CCSER1: variants seen among roughly 807,000 people sequenced by gnomAD.
CCSER1 encodes the protein coiled-coil serine rich protein 1.
CCSER1 carries 41 observed loss-of-function variants against 82.0 expected under a neutral mutation model. That is an observed-to-expected ratio of 0.50 (90% CI 0.39 to 0.65). The LOEUF (loss-of-function observed/expected upper bound fraction) is 0.65. CCSER1 is among the 30% of genes least tolerant of loss of function. The pLI is 0.00. For synonymous variants in CCSER1, 414 were observed against 383.9 expected, an observed-to-expected ratio of 1.08 and a Z score of -0.92; for missense variants, 1,119 against 1,064.2, an observed-to-expected ratio of 1.05 and a Z score of -0.72.
intron 9 of CCSER1, among the ~76,000 whole-genome samples, chr4:90,980,747 G>T (rs28415988): frequency 0.19 from 29,404 of 151,554 alleles, 3,035 homozygotes; most frequent in African/African-American, 0.25. Flanking sequence ...AGACGTACTC[G>T]AAGGAAGGAA....
chr4:90,157,401 C>G (rs566655956), intron 1 of CCSER1, among the ~76,000 whole-genome samples: 2 of 152,146 alleles, frequency 1.3e-5, no homozygotes, highest in African/African-American at 2.4e-5. Context: ...TCTGTATTTT[C>G]TGATTCTGAA....
chr4:90,309,687 A>T, intron 2 of CCSER1, 79 bp downstream of exon 2: 7 of 1,086,492 alleles, frequency 6.4e-6, no homozygotes, highest in Non-Finnish European at 8.9e-6. Flanking sequence ...ATTCCATCTC[A>T]TGAATGGAAA....
chr4:91,174,168 A>G (rs1733059433), intron 10 of CCSER1, among the ~76,000 whole-genome samples: 1 of 152,210 alleles, frequency 6.6e-6, no homozygotes, highest in Non-Finnish European at 1.5e-5. Context: ...AAAACTGTTT[A>G]AAGAGTTAAA....
intron 5 of CCSER1, among the ~76,000 whole-genome samples, chr4:90,622,116 C>T (rs749077286): frequency 1.6e-4 from 24 of 149,522 alleles, no homozygotes; most frequent in Middle Eastern, 3.6e-3. Context: ...TCAGCTCATT[C>T]AAATGTGTTC....
intron 10 of CCSER1, among the ~76,000 whole-genome samples, chr4:91,266,728 TAAA>T (rs1434527047): frequency 1.3e-5 from 2 of 152,192 alleles, no homozygotes; most frequent in East Asian, 3.8e-4. Context: ...AATATATTAT[TAAA>T]AATTATTTCT....
At position 91,521,755 on chromosome 4, in the gene CCSER1, A is replaced by T. The variant is rs1446079150; in HGVS notation, c.2218-76817A>T. 4.6e-5 allele frequency among the ~76,000 whole-genome samples: 7 copies of T among 152,240 alleles called. No homozygotes were observed. In the East Asian group the frequency reaches 1.4e-3, roughly 29 times the overall value. ...TGATATTTTCTTGTAAATTTGTTTA[A>T]GTTCTTTGTAGATTCTGGATATTAG... On this transcript the variant is annotated intron_variant, in intron 10 of 10. Coordinates refer to ENST00000509176, the MANE Select transcript of CCSER1 (RefSeq NM_001145065.2).
chr4:91,107,283 C>T (rs1725708997), intron 10 of CCSER1, among the ~76,000 whole-genome samples: 1 of 152,022 alleles, frequency 6.6e-6, no homozygotes, highest in Non-Finnish European at 1.5e-5. Flanking sequence ...GAGACAGAGC[C>T]CCGCTCTGTC....
At chr4:91,363,792 A>G (rs1220606063) in intron 10 of CCSER1, among the ~76,000 whole-genome samples, 1 of 151,752 alleles carries the variant, frequency 6.6e-6, no homozygotes, top group Non-Finnish European at 1.5e-5. Flanking sequence ...TTATTTCTGT[A>G]TCAGGAGTAC....
intron 3 of CCSER1, among the ~76,000 whole-genome samples, chr4:90,341,110 G>C (rs889671121): frequency 3.9e-5 from 6 of 152,094 alleles, no homozygotes; most frequent in Admixed American, 6.6e-5. Flanking sequence ...AACTGCTACT[G>C]TCATAGAATT....
chr4:90,232,802 AAG>A (rs2153429119), intron 1 of CCSER1, among the ~76,000 whole-genome samples: 1 of 151,412 alleles, frequency 6.6e-6, no homozygotes, highest in South Asian at 2.1e-4. Context: ...CCCCATCAAA[AAG>A]TGGGTGAAGG....
chr4:90,387,462 T>TCA (rs1168638609), intron 3 of CCSER1, among the ~76,000 whole-genome samples: 2 of 152,212 alleles, frequency 1.3e-5, no homozygotes, highest in Non-Finnish European at 2.9e-5. Flanking sequence ...AGAGGTAATC[T>TCA]GTGTCATACC....
intron 10 of CCSER1, among the ~76,000 whole-genome samples, chr4:91,537,998 G>T (rs879780992): frequency 1.3e-5 from 2 of 151,940 alleles, no homozygotes; most frequent in Non-Finnish European, 2.9e-5. Flanking sequence ...AGGATGAATT[G>T]GTTATATTCA....
intron 7 of CCSER1, among the ~76,000 whole-genome samples, chr4:90,775,219 A>T (rs778749200): frequency 9.2e-5 from 14 of 152,180 alleles, no homozygotes; most frequent in Non-Finnish European, 1.5e-4. Context: ...TCAAGTGATA[A>T]AAATATAGCC....
intron 10 of CCSER1, among the ~76,000 whole-genome samples, chr4:91,308,503 G>C (rs1158819895): frequency 6.6e-6 from 1 of 151,896 alleles, no homozygotes; most frequent in African/African-American, 2.4e-5. Context: ...TAGGAACTCA[G>C]GACACAGAAA....
chr4:91,499,893 T>C (rs766085985), intron 10 of CCSER1, among the ~76,000 whole-genome samples: 16 of 152,158 alleles, frequency 1.1e-4, no homozygotes, highest in South Asian at 1.0e-3. Flanking sequence ...AACATCCTGA[T>C]TACTTCCTAG....
intron 8 of CCSER1, among the ~76,000 whole-genome samples, chr4:90,903,571 T>C (rs1041559214): frequency 2.6e-5 from 4 of 152,060 alleles, no homozygotes; most frequent in Non-Finnish European, 4.4e-5. Context: ...AAATGGAAAG[T>C]AAACACCTTC....
intron 1 of CCSER1, among the ~76,000 whole-genome samples, chr4:90,265,535 C>T (rs1012996332): frequency 2.0e-5 from 3 of 151,794 alleles, no homozygotes; most frequent in African/African-American, 7.2e-5. Flanking sequence ...TTTCTGTCCA[C>T]ATTGCCATGT....
intron 10 of CCSER1, among the ~76,000 whole-genome samples, chr4:91,409,968 C>G (rs1427324642): frequency 6.6e-6 from 1 of 152,156 alleles, no homozygotes; most frequent in Admixed American, 6.5e-5. Flanking sequence ...TCTCTAGATT[C>G]GTGCAAAATA....
intron 10 of CCSER1, among the ~76,000 whole-genome samples, chr4:91,519,184 C>G (rs774916492): frequency 2.6e-5 from 4 of 152,156 alleles, no homozygotes; most frequent in Non-Finnish European, 5.9e-5. Context: ...GGACAGGGAC[C>G]TGTATGGAGA....
Sources: allele counts gnomAD v4.1 joint callset (sites outside exome capture counted in the v4.1 genomes callset), GRCh38; gene constraint gnomAD v4.1.1; transcripts MANE v1.5; gene names NCBI Gene and HGNC (gene_info 2026-07-23, HGNC 2026-07-21).